Variants in RIN2 observed in about 807,000 individuals in gnomAD.
RIN2 encodes the protein RAB5 interacting protein 2.
RIN2 carries 36 observed loss-of-function variants against 78.0 expected under a neutral mutation model. The ratio of observed to expected loss-of-function variants is 0.46; its 90% CI spans 0.35 to 0.61. The LOEUF is 0.61. RIN2 is among the 20% of genes least tolerant of loss of function. The probability of loss-of-function intolerance (pLI) is 0.00; values close to 1 mark genes in which losing one functional copy is unlikely to be tolerated. For missense variants in RIN2, 1,087 were observed against 1,159.7 expected (o/e 0.94, Z 0.91); for synonymous variants, 466 against 466.8 (o/e 1.00, Z 0.02).
rs188184480 is a variant in RIN2 at position 19,914,026 on chromosome 20, T to A, written c.58-21073T>A. Among the ~76,000 whole-genome samples the A allele has an allele frequency of 8.8e-4, 134 of 152,340 alleles. 1 individual carries two copies. Among genetic ancestry groups the A allele is most frequent in the African/African-American group, 3.1e-3 (129 of 41,574 alleles). Reference sequence around the variant, plus strand: ...GCGTTGTGATGGGGTGCGTGTGAAGTTGAATCTGAATTTTGTGAAATGCAA... The same window carrying A: ...GCGTTGTGATGGGGTGCGTGTGAAGATGAATCTGAATTTTGTGAAATGCAA... On this transcript the variant is annotated intron_variant, in intron 3 of 12. Transcript: ENST00000255006.
intron 1 of RIN2, among the ~76,000 whole-genome samples, chr20:19,778,982 A>C (rs1426393445): frequency 2.6e-5 from 4 of 152,174 alleles, no homozygotes; most frequent in Non-Finnish European, 5.9e-5. Context: ...TTAGAACATC[A>C]CTAAGTCAAA....
chr20:19,993,273 C>T (rs2424255), intron 11 of RIN2, among the ~76,000 whole-genome samples: 48,481 of 151,038 alleles, frequency 0.32, 10,135 homozygotes, highest in East Asian at 0.68. Context: ...GTCACGGTTT[C>T]GTTTTTTTTT....
In RIN2 at chr20:19,961,125, G is replaced by C. The variant is rs1327499980; in HGVS notation, c.463+314G>C. Among the ~76,000 whole-genome samples, 3 of 152,214 alleles carry C rather than the reference G, an allele frequency of 2.0e-5. No homozygotes were observed. The East Asian group carries it at 5.8e-4, about 29-fold the overall frequency. On this transcript the variant is annotated intron_variant, in intron 6 of 12. Coordinates refer to ENST00000255006, the MANE Select transcript of RIN2 (RefSeq NM_018993.4). ...CCCAGTTAAGTGGAACATGAATTCA[G>C]TTCCCAGGTTTGCCAGTGACTAAGT...
intron 1 of RIN2, among the ~76,000 whole-genome samples, chr20:19,758,720 A>G (rs2033492917): frequency 6.6e-6 from 1 of 152,150 alleles, no homozygotes; most frequent in Admixed American, 6.5e-5. Context: ...GGAGTTTGGT[A>G]GGGACCTTTG....
intron 3 of RIN2, among the ~76,000 whole-genome samples, chr20:19,930,126 G>T (rs2040385439): frequency 6.6e-6 from 1 of 152,146 alleles, no homozygotes; most frequent in South Asian, 2.1e-4. Flanking sequence ...CCAAAAAAAA[G>T]TCCCCACATC....
At chr20:19,855,823 C>A (rs951162176) in intron 2 of RIN2, among the ~76,000 whole-genome samples, 5 of 152,172 alleles carry the variant, frequency 3.3e-5, no homozygotes, top group Admixed American at 6.5e-5. Flanking sequence ...CGCTTGTAAT[C>A]CTAGCACTTT....
At chr20:19,817,344 T>C (rs1056445218) in intron 2 of RIN2, among the ~76,000 whole-genome samples, 1 of 152,250 alleles carries the variant, frequency 6.6e-6, no homozygotes, top group East Asian at 1.9e-4. Flanking sequence ...TGAAGGTTTC[T>C]AGCTGTGTCC....
chr20:19,933,600 A>G (rs566957140), intron 3 of RIN2, among the ~76,000 whole-genome samples: 1 of 152,176 alleles, frequency 6.6e-6, no homozygotes, highest in Non-Finnish European at 1.5e-5. Context: ...AGTACCTGGC[A>G]TGAAGCGGGA....
At chr20:19,868,741 G>A (rs1269189636) in intron 2 of RIN2, among the ~76,000 whole-genome samples, 1 of 152,136 alleles carries the variant, frequency 6.6e-6, no homozygotes, top group African/African-American at 2.4e-5. Flanking sequence ...GTAATGAAGG[G>A]AAGCTAGCAC....
At chr20:19,924,392 C>CTT (rs2040101761) in intron 3 of RIN2, among the ~76,000 whole-genome samples, 1 of 46,786 alleles carries the variant, frequency 2.1e-5, no homozygotes. Context: ...TCGTACCCCA[C>CTT]CTCTTCATAC....
intron 2 of RIN2, among the ~76,000 whole-genome samples, chr20:19,882,068 T>C (rs2038042066): frequency 6.6e-6 from 1 of 152,174 alleles, no homozygotes. Flanking sequence ...GCTTGTAATT[T>C]TGGAAAGTGA....
chr20:19,969,777 A>G (rs549925993), intron 7 of RIN2, among the ~76,000 whole-genome samples: 144 of 152,260 alleles, frequency 9.5e-4, no homozygotes, highest in Non-Finnish European at 1.8e-3. Flanking sequence ...AAAACAAACA[A>G]ACAAACAAAC....
intron 2 of RIN2, among the ~76,000 whole-genome samples, chr20:19,888,650 G>A (rs753493136): frequency 5.9e-5 from 9 of 152,192 alleles, no homozygotes; most frequent in East Asian, 1.9e-4. Context: ...ATGTTATGGC[G>A]AGAAGGGATG....
In RIN2 at chr20:19,923,880, C is replaced by T. The variant is rs1369600014; in HGVS notation, c.58-11219C>T. The stretch of plus-strand genomic sequence containing the variant: ...TTTTGACTAAGGTGGTGTCTTGAAC[C>T]AACAGGGCTAGGATAGACAATTGAA... On this transcript the variant is annotated intron_variant, in intron 3 of 12. Coordinates refer to ENST00000255006, the MANE Select transcript of RIN2 (RefSeq NM_018993.4). 2.0e-5 allele frequency among the ~76,000 whole-genome samples: 3 copies of T among 151,878 alleles called. No homozygotes were observed. The East Asian group carries it at 5.8e-4, about 29-fold the overall frequency.
intron 2 of RIN2, among the ~76,000 whole-genome samples, chr20:19,808,644 C>T (rs1252426828): frequency 1.3e-5 from 2 of 152,184 alleles, no homozygotes; most frequent in Non-Finnish European, 1.5e-5. Context: ...CAGAACACTC[C>T]GCAGGGTTCC....
chr20:19,824,848 G>A (rs1471919512), intron 2 of RIN2, among the ~76,000 whole-genome samples: 5 of 152,146 alleles, frequency 3.3e-5, no homozygotes, highest in Admixed American at 2.6e-4. Context: ...GCATTCGAAG[G>A]CCACCCTCTT....
rs190835121 is a variant in RIN2, at chr20:19,925,660, A to G, written c.58-9439A>G. Among the ~76,000 whole-genome samples the G allele has an allele frequency of 1.7e-3, 254 of 152,386 alleles. 1 individual carries two copies. The highest frequency in any genetic ancestry group is 3.3e-3 in the Admixed American group (50 of 15,308). ...GGAAATAGAAATAAACGATAAAAAT[A>G]TAATCAGGGCAAAGCAAATGAAAAC... On this transcript the variant is annotated intron_variant, in intron 3 of 12. Transcript: ENST00000255006.
In RIN2 at chr20:19,931,921, C is replaced by T. The variant is rs531331699; in HGVS notation, c.58-3178C>T. Among the ~76,000 whole-genome samples, 12 of 152,252 alleles carry T rather than the reference C, an allele frequency of 7.9e-5. No individual in the cohort carries two copies. The South Asian group carries it at 1.7e-3, about 21-fold the overall frequency. ...TCTTGCAAAGGTATCTTTGGGCCCA[C>T]GTGCAAGTTTAGTCTCTAAAGTACA... is the stretch of plus-strand genomic sequence containing the variant. On this transcript the variant is annotated intron_variant, in intron 3 of 12. Transcript: ENST00000255006.
intron 9 of RIN2, among the ~76,000 whole-genome samples, chr20:19,983,237 A>G (rs2042515890): frequency 6.6e-6 from 1 of 152,232 alleles, no homozygotes; most frequent in Non-Finnish European, 1.5e-5. Flanking sequence ...ATAAAAAAAG[A>G]AAGCATCAAG....
Sources: gnomAD v4.1 joint callset for allele counts (sites outside exome capture counted in the v4.1 genomes callset) on GRCh38, gnomAD v4.1.1 for gene constraint, MANE v1.5 for transcripts, NCBI Gene and HGNC (gene_info 2026-07-23, HGNC 2026-07-21) for gene names.